RPS6KC1: variants seen among roughly 807,000 people sequenced by gnomAD.
RPS6KC1 encodes inactive ribosomal protein S6 kinase delta-1.
RPS6KC1 carries 54 observed loss-of-function variants against 103.8 expected under a neutral mutation model. The observed-to-expected ratio is 0.52, with a 90% CI of 0.42 to 0.65. RPS6KC1 has a LOEUF of 0.65. RPS6KC1 is among the 30% of genes least tolerant of loss of function. The pLI is 0.00. For synonymous variants in RPS6KC1, 439 were observed against 438.7 expected, an observed-to-expected ratio of 1.00 and a Z score of -0.01; for missense variants, 1,151 against 1,253.8, an observed-to-expected ratio of 0.92 and a Z score of 1.24.
chr1:213,722,384 C>T, the RPS6KC1 span, among the ~76,000 whole-genome samples: 2 of 152,110 alleles, frequency 1.3e-5, no homozygotes, highest in Non-Finnish European at 2.9e-5. Context: ...ATTATTGGTC[C>T]TGATACTGTG....
chr1:213,725,980 G>T, the RPS6KC1 span, among the ~76,000 whole-genome samples: 1 of 151,890 alleles, frequency 6.6e-6, no homozygotes, highest in Non-Finnish European at 1.5e-5. Flanking sequence ...TCATGATATT[G>T]CTTTTCGTGT....
At chr1:213,605,095 T>C in the RPS6KC1 span, among the ~76,000 whole-genome samples, 1 of 152,182 alleles carries the variant, frequency 6.6e-6, no homozygotes, top group Admixed American at 6.5e-5. Flanking sequence ...TCTCAAACTT[T>C]CTCTGTCATG....
the RPS6KC1 span, among the ~76,000 whole-genome samples, chr1:213,789,358 A>G: frequency 2.6e-5 from 4 of 152,192 alleles, no homozygotes; most frequent in Admixed American, 6.5e-5. Context: ...ATTAATGAAC[A>G]TATTTGTGCA....
the RPS6KC1 span, among the ~76,000 whole-genome samples, chr1:213,444,282 G>A: frequency 3.1e-4 from 47 of 152,230 alleles, no homozygotes; most frequent in Admixed American, 7.2e-4. Context: ...CCTCTGTCAC[G>A]TTCACTCGTG....
the RPS6KC1 span, among the ~76,000 whole-genome samples, chr1:213,359,279 C>G: frequency 6.6e-6 from 1 of 152,178 alleles, no homozygotes; most frequent in Non-Finnish European, 1.5e-5. Flanking sequence ...GTTAGCTCTT[C>G]TTGTTGAATT....
chr1:213,467,450 C>T, the RPS6KC1 span, among the ~76,000 whole-genome samples: 1 of 152,218 alleles, frequency 6.6e-6, no homozygotes, highest in Non-Finnish European at 1.5e-5. Context: ...AACAATGTAT[C>T]AGCGAACTGT....
At chr1:213,276,427 A>G (rs972461505), downstream of RPS6KC1, among the ~76,000 whole-genome samples, 1 of 152,218 alleles carries the variant, frequency 6.6e-6, no homozygotes, top group East Asian at 1.9e-4. Flanking sequence ...GCAATAATGC[A>G]AAGTCTAGAG....
the RPS6KC1 span, among the ~76,000 whole-genome samples, chr1:213,592,200 G>A: frequency 1.3e-5 from 2 of 152,130 alleles, no homozygotes; most frequent in African/African-American, 2.4e-5. Context: ...TGGGTGGAAG[G>A]AAATGATCAA....
chr1:213,721,059 A>T, the RPS6KC1 span, among the ~76,000 whole-genome samples: 25 of 152,358 alleles, frequency 1.6e-4, no homozygotes, highest in East Asian at 4.8e-3. Context: ...GTAGTGGGGC[A>T]AAGGAAAGTG....
the RPS6KC1 span, among the ~76,000 whole-genome samples, chr1:213,663,645 C>T: frequency 1.3e-5 from 2 of 152,182 alleles, no homozygotes; most frequent in Non-Finnish European, 2.9e-5. Context: ...TTTCTCTATT[C>T]CTCTCTGTCT....
At chr1:213,693,787 G>A in the RPS6KC1 span, among the ~76,000 whole-genome samples, 1 of 152,348 alleles carries the variant, frequency 6.6e-6, no homozygotes, top group African/African-American at 2.4e-5. Context: ...TTTAGGGCCT[G>A]GGTATTGCCT....
intron 4 of RPS6KC1, among the ~76,000 whole-genome samples, chr1:213,106,436 T>C (rs1480844200): frequency 2.0e-5 from 3 of 152,160 alleles, no homozygotes; most frequent in Admixed American, 2.0e-4. Context: ...TTTTAAAAGC[T>C]TTCCCAGAAA....
intron 14 of RPS6KC1, among the ~76,000 whole-genome samples, chr1:213,270,069 G>C (rs531475789): frequency 6.6e-6 from 1 of 152,108 alleles, no homozygotes; most frequent in Non-Finnish European, 1.5e-5. Context: ...TCCAAACTGT[G>C]CATAAAAAGG....
chr1:213,284,448 T>TGTG, the RPS6KC1 span, among the ~76,000 whole-genome samples: 39 of 458 alleles, frequency 0.085, no homozygotes, highest in South Asian at 0.48. Context: ...ATGAGGTAGA[T>TGTG]GTGGTGAACT....
chr1:213,639,697 A>G, the RPS6KC1 span, among the ~76,000 whole-genome samples: 1 of 152,090 alleles, frequency 6.6e-6, no homozygotes, highest in African/African-American at 2.4e-5. Context: ...CATGGTAATT[A>G]TAATGACATA....
chr1:213,642,487 T>A, the RPS6KC1 span, among the ~76,000 whole-genome samples: 1 of 152,170 alleles, frequency 6.6e-6, no homozygotes, highest in Admixed American at 6.6e-5. Context: ...TTATCATTAT[T>A]ATTTCCAGGA....
At chr1:213,805,132 A>G in the RPS6KC1 span, among the ~76,000 whole-genome samples, 1 of 152,288 alleles carries the variant, frequency 6.6e-6, no homozygotes, top group African/African-American at 2.4e-5. Flanking sequence ...GCGAATTGGC[A>G]CCTTTTTGCT....
the RPS6KC1 span, among the ~76,000 whole-genome samples, chr1:213,606,743 C>G: frequency 3.0e-3 from 453 of 152,298 alleles, 3 homozygotes; most frequent in African/African-American, 0.01. Context: ...CCCAAACTGT[C>G]AGAGGCATGT....
At chr1:213,091,566 A>G (rs888203142) in intron 3 of RPS6KC1, among the ~76,000 whole-genome samples, 1 of 152,194 alleles carries the variant, frequency 6.6e-6, no homozygotes, top group Non-Finnish European at 1.5e-5. Flanking sequence ...TTGTAACACC[A>G]TGTATTGGTC....
Sources: allele counts gnomAD v4.1 joint callset (sites outside exome capture counted in the v4.1 genomes callset), GRCh38; gene constraint gnomAD v4.1.1; transcripts MANE v1.5; gene names NCBI Gene and HGNC (gene_info 2026-07-23, HGNC 2026-07-21).